Variants in ZNF568 observed in about 807,000 individuals in gnomAD.
The protein encoded by ZNF568 is p53 inhibitor of SCO2 activation.
A neutral mutation model predicts 18.1 loss-of-function variants in ZNF568; 11 were observed. The ratio of observed to expected loss-of-function variants is 0.61; its 90% CI spans 0.38 to 1.00. The LOEUF is 1.00. Ranked by LOEUF, ZNF568 falls within the 50% of genes least tolerant of loss-of-function variation. The probability of loss-of-function intolerance (pLI) is 0.01; values close to 1 mark genes in which losing one functional copy is unlikely to be tolerated. For missense variants in ZNF568, 639 were observed against 768.2 expected (o/e 0.83, Z 1.99); for synonymous variants, 213 against 246.6 (o/e 0.86, Z 1.28).
chr19:36,949,182 G>A (rs995815015), intron 6 of ZNF568, among the ~76,000 whole-genome samples: 2 of 152,070 alleles, frequency 1.3e-5, no homozygotes, highest in Non-Finnish European at 2.9e-5. Context: ...TTCTCTAGCC[G>A]TTTGACTCCC....
chr19:36,925,923 C>G (rs977655520), intron 4 of ZNF568, among the ~76,000 whole-genome samples: 4 of 152,112 alleles, frequency 2.6e-5, no homozygotes, highest in African/African-American at 9.7e-5. Context: ...GGTCCTGGAA[C>G]CAATTCTACA....
downstream of ZNF568, among the ~76,000 whole-genome samples, chr19:36,981,788 C>T (rs1167909476): frequency 6.6e-6 from 1 of 152,016 alleles, no homozygotes. Flanking sequence ...GTAGGAGAAT[C>T]ACTCAAGCCC....
chr19:36,988,192 G>A (rs929331095), intron 2 of ZNF568, among the ~76,000 whole-genome samples: 4 of 151,910 alleles, frequency 2.6e-5, no homozygotes, highest in Non-Finnish European at 4.4e-5. Flanking sequence ...GGACCCAAGC[G>A]ATCCTCCCAC....
At chr19:36,995,251 T>A (rs2146352748) in intron 4 of ZNF568, among the ~76,000 whole-genome samples, 1 of 152,086 alleles carries the variant, frequency 6.6e-6, no homozygotes, top group East Asian at 1.9e-4. Flanking sequence ...TACAAAAAAT[T>A]AGCCAAGCAT....
chr19:36,957,661 G>A (rs147907165), downstream of ZNF568, among the ~76,000 whole-genome samples: 3 of 152,306 alleles, frequency 2.0e-5, no homozygotes, highest in African/African-American at 7.2e-5. Context: ...GTCTCAGATG[G>A]AGGACTTGAG....
chr19:36,997,355 G>T (rs763230793), downstream of ZNF568: 4 of 1,602,688 alleles, frequency 2.5e-6, no homozygotes, highest in Non-Finnish European at 2.5e-6. Context: ...CGACATCAGA[G>T]AGCTCATACT....
Position 36,952,118 on chromosome 19 carries a change from A to G in ZNF568, c.*1030A>G. 1.3e-6 allele frequency: 1 copy of G among 748,614 alleles called. No homozygotes were observed. Among genetic ancestry groups the G allele is most frequent in the Non-Finnish European group, 1.6e-6 (1 of 617,078 alleles). 46.4% of individuals were successfully genotyped at this position (748,614 alleles called of 1,614,324 possible). ...ATATACATCCTATAGAAACTCACAA[A>G]TAATGCATAAGAAATATATATATAA... On this transcript the variant is annotated 3_prime_UTR_variant, in exon 7 of 7. Transcript: ENST00000333987.
At chr19:36,974,028 G>A (rs2074259989) in intron 6 of ZNF568, among the ~76,000 whole-genome samples, 1 of 152,138 alleles carries the variant, frequency 6.6e-6, no homozygotes, top group Non-Finnish European at 1.5e-5. Context: ...CCACTTCTCT[G>A]TTCTTTCACC....
chr19:36,923,876 G>T (rs2146269136), intron 3 of ZNF568, among the ~76,000 whole-genome samples: 1 of 152,018 alleles, frequency 6.6e-6, no homozygotes, highest in African/African-American at 2.4e-5. Context: ...TTAAGCTTCA[G>T]CTTTCTCTGG....
At chr19:36,918,072 C>G (rs2073381494) in intron 2 of ZNF568, among the ~76,000 whole-genome samples, 1 of 152,162 alleles carries the variant, frequency 6.6e-6, no homozygotes, top group Non-Finnish European at 1.5e-5. Context: ...CCTCAGCCTC[C>G]CGAGTAGCTG....
rs1207021012 is a variant in ZNF568, at chr19:36,950,935, C to T, written c.1782C>T (p.Ala594=). 6.2e-7 allele frequency: 1 copy of T among 1,613,532 alleles called. No individual in the cohort carries two copies. Among genetic ancestry groups the T allele is most frequent in the Non-Finnish European group, 8.5e-7 (1 of 1,179,818 alleles). ...KPYECNKCGK[A]FSQCSLLIIH... is the part of the protein sequence containing the mutation. ...ATGAATGTAATAAATGTGGGAAAGC[C>T]TTTTCTCAGTGCTCATTACTTATTA... Residue 594 remains alanine (A), a synonymous_variant, in exon 7 of 7, where the codon GCC becomes GCT. Transcript: ENST00000333987.
chr19:36,929,949 T>G (rs2146280550), intron 4 of ZNF568, among the ~76,000 whole-genome samples: 1 of 62,234 alleles, frequency 1.6e-5, no homozygotes, highest in African/African-American at 6.7e-5. Flanking sequence ...GTTCATGTTT[T>G]TTTTTTTTTT....
Position 36,917,993 on chromosome 19 carries a change from G to A in ZNF568, c.-186+345G>A, listed in dbSNP as rs1039938076. The stretch of plus-strand genomic sequence containing the variant: ...AGACGGAGTCTCGCTCTGTCACCCA[G>A]GCTGGAGTGCAGTGGCACGGTCTCG... On this transcript the variant is annotated intron_variant, in intron 2 of 6. Coordinates refer to ENST00000333987, the MANE Select transcript of ZNF568 (RefSeq NM_198539.4). Among the ~76,000 whole-genome samples, 5 of 152,158 alleles carry A rather than the reference G, an allele frequency of 3.3e-5. 1 individual carries two copies. The highest frequency in any genetic ancestry group is 2.0e-4 in the Admixed American group (3 of 15,278).
intron 2 of ZNF568, among the ~76,000 whole-genome samples, chr19:36,987,206 A>G (rs928855057): frequency 3.9e-5 from 6 of 152,198 alleles, no homozygotes; most frequent in Non-Finnish European, 8.8e-5. Context: ...AGAGAATGTC[A>G]GGCAGGAAGG....
intron 6 of ZNF568, among the ~76,000 whole-genome samples, chr19:36,972,232 T>C (rs1398619972): frequency 1.3e-5 from 2 of 152,154 alleles, no homozygotes; most frequent in Non-Finnish European, 2.9e-5. Flanking sequence ...GCACTTTTAG[T>C]AACACAAAAG....
At chr19:36,969,882 C>T (rs2074224319) in intron 6 of ZNF568, among the ~76,000 whole-genome samples, 1 of 115,200 alleles carries the variant, frequency 8.7e-6, no homozygotes, top group African/African-American at 3.5e-5. Flanking sequence ...GCAACCTCTG[C>T]CTCCCGAGTA....
At chr19:36,931,967 A>T (rs2073693714) in intron 4 of ZNF568, among the ~76,000 whole-genome samples, 1 of 152,096 alleles carries the variant, frequency 6.6e-6, no homozygotes, top group Non-Finnish European at 1.5e-5. Context: ...TGGACATTTA[A>T]TGTAAATTGA....
At chr19:36,992,346 A>T (rs2146350332) in intron 4 of ZNF568, among the ~76,000 whole-genome samples, 1 of 151,898 alleles carries the variant, frequency 6.6e-6, no homozygotes, top group East Asian at 1.9e-4. Flanking sequence ...TACTAAAAAT[A>T]CAAAAATTAG....
chr19:36,954,239 A>T (rs539209035), downstream of ZNF568, among the ~76,000 whole-genome samples: 9 of 152,296 alleles, frequency 5.9e-5, no homozygotes, highest in East Asian at 1.5e-3. Context: ...AAATAAAAAC[A>T]ATACAAAGGA....
Sources: allele counts gnomAD v4.1 joint callset (sites outside exome capture counted in the v4.1 genomes callset), GRCh38; gene constraint gnomAD v4.1.1; transcripts MANE v1.5; gene names NCBI Gene and HGNC (gene_info 2026-07-23, HGNC 2026-07-21).